Variants in IQSEC1 observed in about 807,000 individuals in gnomAD.
The protein encoded by IQSEC1 is IQ motif and Sec7 domain ArfGEF 1, also known as IQ motif and SEC7 domain-containing protein 1.
IQSEC1 carries 31 observed loss-of-function variants against 91.0 expected under a neutral mutation model. That is an observed-to-expected ratio of 0.34 (90% CI 0.26 to 0.46). The LOEUF is 0.46. Among genes scored for constraint, IQSEC1 ranks in the 20% least tolerant of loss-of-function variants. IQSEC1 has a pLI of 1.00. For synonymous variants in IQSEC1, 699 were observed against 662.6 expected (o/e 1.05, Z -0.84); for missense variants, 1,388 against 1,575.6 (o/e 0.88, Z 2.02).
chr3:12,897,727 C>A lies in IQSEC1; in HGVS notation c.*3256G>T, dbSNP rs1019109505. The A allele has an allele frequency of 6.6e-6, 1 of 152,198 alleles. No homozygotes were observed. Among genetic ancestry groups the A allele is most frequent in the African/African-American group, 2.4e-5 (1 of 41,436 alleles). 9.4% of individuals were successfully genotyped at this position (152,198 alleles called of 1,614,324 possible). A position where few individuals can be genotyped will look rare whatever the true frequency, so the allele number is the denominator to read the frequency against. ...GTGCTTACCTGCGGGCACAGAGCTT[C>A]CCGTGGCGCTGAGTCAACACCCAGC... On this transcript the variant is annotated 3_prime_UTR_variant, in exon 14 of 14. Transcript: ENST00000613206.
intron 2 of IQSEC1, among the ~76,000 whole-genome samples, chr3:13,141,595 G>A (rs540430994): frequency 2.0e-5 from 3 of 152,324 alleles, no homozygotes; most frequent in South Asian, 4.1e-4. Flanking sequence ...AGGTGACCAG[G>A]GGAATTCATT....
In IQSEC1 at chr3:13,101,117, G is replaced by A. The variant is rs1478179743; in HGVS notation, c.303-53595C>T. On this transcript the variant is annotated intron_variant, in intron 2 of 15. Coordinates refer to the IQSEC1 transcript ENST00000648114. ...CTGCTGAGGGGAGTGTGGATTTTCT[G>A]CTAAGCGCAGCGAGGAGCCATGGGA... Among the ~76,000 whole-genome samples, 4 of 152,188 alleles carry A rather than the reference G, an allele frequency of 2.6e-5. No individual in the cohort carries two copies. In the East Asian group the frequency reaches 7.7e-4, roughly 29 times the overall value.
At chr3:12,931,486 A>G (rs1027702877) in intron 3 of IQSEC1, among the ~76,000 whole-genome samples, 43 of 152,304 alleles carry the variant, frequency 2.8e-4, no homozygotes, top group African/African-American at 1.0e-3. Flanking sequence ...CAATAGGCGG[A>G]AGGTGTTCGG....
chr3:13,142,224 G>A (rs1706813159), intron 2 of IQSEC1, among the ~76,000 whole-genome samples: 1 of 152,242 alleles, frequency 6.6e-6, no homozygotes, highest in South Asian at 2.1e-4. Context: ...CGGGCTGCGG[G>A]AGTGCATTTA....
chr3:13,047,879 T>A (rs1704558080), intron 1 of IQSEC1, among the ~76,000 whole-genome samples: 3 of 152,062 alleles, frequency 2.0e-5, no homozygotes, highest in African/African-American at 7.2e-5. Flanking sequence ...GCCACCATGC[T>A]CCTTCCCCAA....
chr3:13,019,054 C>T (rs765135648), intron 1 of IQSEC1, among the ~76,000 whole-genome samples: 99 of 152,314 alleles, frequency 6.5e-4, no homozygotes, highest in Non-Finnish European at 1.1e-3. Context: ...AAGAAGCCCG[C>T]CCAGCTGGCA....
intron 13 of IQSEC1, 87 bp from the exon 14 acceptor site, chr3:12,901,609 C>A: frequency 9.0e-7 from 1 of 1,107,732 alleles, no homozygotes; most frequent in East Asian, 2.6e-5. Context: ...TGTAAAAATT[C>A]ACCCACTGAC....
rs1036079478 is a variant in IQSEC1, at chr3:12,924,299, G to A, written c.1730+282C>T. On this transcript the variant is annotated intron_variant, in intron 4 of 13. Transcript: ENST00000613206. The surrounding 1 kb of genome is among the most constrained non-coding windows in gnomAD (Gnocchi z 6.3). The stretch of plus-strand genomic sequence containing the variant: ...GGTTGGATCAACCGTGCTTAGGGAT[G>A]GAGGGAAGGGAGGGGCCAAGGGTGC... 1.3e-5 allele frequency among the ~76,000 whole-genome samples: 2 copies of A among 152,212 alleles called. No homozygotes were observed. Among genetic ancestry groups the A allele is most frequent in the South Asian group, 4.1e-4 (2 of 4,832 alleles).
At chr3:13,251,771 G>A (rs1242672712) in intron 1 of IQSEC1, among the ~76,000 whole-genome samples, 1 of 152,234 alleles carries the variant, frequency 6.6e-6, no homozygotes, top group Non-Finnish European at 1.5e-5. Context: ...ACTCCTGACA[G>A]GAGGGACCGA....
chr3:12,901,973 C>G (rs2124991863), intron 13 of IQSEC1, among the ~76,000 whole-genome samples: 1 of 151,872 alleles, frequency 6.6e-6, no homozygotes, highest in East Asian at 2.0e-4. Context: ...GACTGCTCAA[C>G]TGGGCTGAGG....
At chr3:13,281,329 G>A (rs959545838) in intron 1 of IQSEC1, among the ~76,000 whole-genome samples, 1 of 152,138 alleles carries the variant, frequency 6.6e-6, no homozygotes. Flanking sequence ...CCAGGAGTGG[G>A]GCCCAGACAG....
In IQSEC1 at chr3:12,908,406, C is replaced by T. The variant is rs751139467; in HGVS notation, c.2698G>A (p.Gly900Ser). The T allele has an allele frequency of 1.6e-5, 26 of 1,612,960 alleles. No homozygotes were observed. Among genetic ancestry groups the T allele is most frequent in the Admixed American group, 3.3e-5 (2 of 60,010 alleles). ...AGGGCGCTGCGCTTGAGGCCCTCAC[C>T]GCTGGCATAGCTGTCGTCCAGGCAG... ...RACLDDSYAS[G>S]EGLKRSALSS... Residue 900 changes from glycine (G) to serine (S), a missense_variant, in exon 12 of 14, where the codon GGT (glycine) becomes AGT (serine). By Grantham distance (56) the Gly-to-Ser change is moderately conservative. Coordinates refer to ENST00000613206, the MANE Select transcript of IQSEC1 (RefSeq NM_001134382.3). This position sits in a 1 kb window ranked among gnomAD's most constrained non-coding sequence, Gnocchi z 4.9.
At chr3:13,278,207 T>C (rs1478003732) in intron 1 of IQSEC1, among the ~76,000 whole-genome samples, 1 of 152,172 alleles carries the variant, frequency 6.6e-6, no homozygotes, top group African/African-American at 2.4e-5. Context: ...ACTTAAGGGC[T>C]GGAGGGGACC....
intron 2 of IQSEC1, among the ~76,000 whole-genome samples, chr3:12,938,965 G>T (rs913128221): frequency 6.6e-6 from 1 of 152,180 alleles, no homozygotes; most frequent in Non-Finnish European, 1.5e-5. Context: ...CTTACCGTGG[G>T]TCATTCTTCT....
chr3:13,204,344 GACGGAGAA>G (rs1157835170), intron 1 of IQSEC1, among the ~76,000 whole-genome samples: 1 of 152,292 alleles, frequency 6.6e-6, no homozygotes, highest in African/African-American at 2.4e-5. Context: ...AGCCAAGAGA[GACGGAGAA>G]ACGGAGAAGA....
chr3:13,186,648 C>T (rs1435719353), intron 1 of IQSEC1, among the ~76,000 whole-genome samples: 1 of 152,138 alleles, frequency 6.6e-6, no homozygotes, highest in Non-Finnish European at 1.5e-5. Flanking sequence ...GATGCACAGA[C>T]GGGGCAGAGC....
intron 1 of IQSEC1, among the ~76,000 whole-genome samples, chr3:12,963,773 T>C (rs533079997): frequency 6.6e-5 from 10 of 152,360 alleles, no homozygotes; most frequent in Admixed American, 6.5e-4. Flanking sequence ...TGCTTCTACA[T>C]CTAGCCCAGG....
chr3:13,279,092 C>T (rs555028873), intron 1 of IQSEC1, among the ~76,000 whole-genome samples: 22 of 152,312 alleles, frequency 1.4e-4, no homozygotes, highest in African/African-American at 5.1e-4. Flanking sequence ...CGGCCCCACC[C>T]CTGCTCCCTG....
At chr3:13,260,249 G>A (rs1576313963) in intron 1 of IQSEC1, among the ~76,000 whole-genome samples, 1 of 152,228 alleles carries the variant, frequency 6.6e-6, no homozygotes, top group Admixed American at 6.5e-5. Flanking sequence ...GCTAGTTAAC[G>A]ATGTTCTCTG....
Sources: gnomAD v4.1 joint callset for allele counts (sites outside exome capture counted in the v4.1 genomes callset) on GRCh38, gnomAD v4.1.1 for gene constraint, Gnocchi (gnomAD v3.1) non-coding constraint, MANE v1.5 for transcripts, NCBI Gene and HGNC (gene_info 2026-07-23, HGNC 2026-07-21) for gene names.